The following AGMO variants were observed in gnomAD, a reference collection of about 807,000 sequenced individuals.
AGMO encodes the protein glyceryl-ether monooxygenase.
A neutral mutation model predicts 60.2 loss-of-function variants in AGMO; 75 were observed. That is an observed-to-expected ratio of 1.25 (90% CI 1.03 to 1.51). AGMO has a LOEUF of 1.51. Ranked by LOEUF, AGMO falls within the 40% of genes most tolerant of loss-of-function variation. The pLI is 0.00. For missense variants in AGMO, 763 were observed against 525.5 expected, an observed-to-expected ratio of 1.45 and a Z score of -4.42; for synonymous variants, 261 against 177.1, an observed-to-expected ratio of 1.47 and a Z score of -3.76.
At chr7:15,264,020 T>C (rs1302546306) in intron 12 of AGMO, among the ~76,000 whole-genome samples, 1 of 151,904 alleles carries the variant, frequency 6.6e-6, no homozygotes, top group Non-Finnish European at 1.5e-5. Context: ...AAAGAATTTA[T>C]TCATGTAACC....
chr7:15,377,355 G>A (rs755179268), intron 10 of AGMO, among the ~76,000 whole-genome samples: 4 of 151,766 alleles, frequency 2.6e-5, no homozygotes, highest in South Asian at 2.1e-4. Flanking sequence ...ATTTCTCTTC[G>A]TCAATATATC....
the AGMO span, among the ~76,000 whole-genome samples, chr7:15,130,188 G>C: frequency 1.3e-5 from 2 of 151,804 alleles, no homozygotes; most frequent in Non-Finnish European, 2.9e-5. Context: ...GCTTTGTTTA[G>C]AGTAATGATT....
intron 3 of AGMO, among the ~76,000 whole-genome samples, chr7:15,489,574 C>T (rs1783015498): frequency 6.6e-6 from 1 of 152,120 alleles, no homozygotes; most frequent in African/African-American, 2.4e-5. Flanking sequence ...GTTTTATCAC[C>T]AGAGGCCTTC....
At chr7:15,354,917 T>C (rs998250700) in intron 12 of AGMO, among the ~76,000 whole-genome samples, 1 of 152,034 alleles carries the variant, frequency 6.6e-6, no homozygotes, top group African/African-American at 2.4e-5. Flanking sequence ...TATGTTAATT[T>C]ATAGCATATA....
At chr7:15,132,424 C>T in the AGMO span, among the ~76,000 whole-genome samples, 2 of 152,036 alleles carry the variant, frequency 1.3e-5, no homozygotes, top group African/African-American at 4.8e-5. Context: ...TTGCAAGTTT[C>T]CTTTTAGGTA....
Position 15,201,039 on chromosome 7 carries a change from A to T in AGMO, c.*246T>A, listed in dbSNP as rs1184742228. ...ACTTGTCATATAAGGCTATCAGTTA[A>T]TATAACATCATTATATTTGAAATCT... On this transcript the variant is annotated 3_prime_UTR_variant, in exon 13 of 13. Transcript: ENST00000342526. 2 of 325,716 alleles carry T rather than the reference A, an allele frequency of 6.1e-6. No homozygotes were observed. Among genetic ancestry groups the T allele is most frequent in the Non-Finnish European group, 1.1e-5 (2 of 180,924 alleles). The allele number at this position is 325,716 out of a possible 1,614,324, so 20.2% of individuals were successfully genotyped here.
At chr7:15,398,759 GACAT>G (rs2128488937) in intron 5 of AGMO, among the ~76,000 whole-genome samples, 1 of 152,064 alleles carries the variant, frequency 6.6e-6, no homozygotes, top group East Asian at 1.9e-4. Context: ...CAAATTTTAG[GACAT>G]ACAGAGGGCT....
rs752932552 is a variant in AGMO at position 15,394,192 on chromosome 7, G to A, written c.610-13C>T. Reference sequence around the variant, plus strand: ...GGTTATTGATGACCTGTTTAAAACAGAAGGAATATTTATACATGTAGTTAT... The same window carrying A: ...GGTTATTGATGACCTGTTTAAAACAAAAGGAATATTTATACATGTAGTTAT... On this transcript the variant is annotated splice_polypyrimidine_tract_variant and intron_variant, in intron 5 of 12. Coordinates refer to ENST00000342526, the MANE Select transcript of AGMO (RefSeq NM_001004320.2). 3.8e-6 allele frequency: 6 copies of A among 1,559,928 alleles called. No homozygotes were observed. Among genetic ancestry groups the A allele is most frequent in the East Asian group, 2.2e-5 (1 of 44,524 alleles).
intron 2 of AGMO, among the ~76,000 whole-genome samples, chr7:15,547,576 G>A (rs551601552): frequency 6.6e-6 from 1 of 152,218 alleles, no homozygotes; most frequent in East Asian, 1.9e-4. Context: ...GGAAAATCGG[G>A]TCACTCCCAC....
intron 5 of AGMO, among the ~76,000 whole-genome samples, chr7:15,406,554 T>C (rs1301440614): frequency 1.2e-5 from 1 of 80,454 alleles, no homozygotes; most frequent in Non-Finnish European, 2.5e-5. Context: ...CCCCTTTGTT[T>C]GGAATACACA....
downstream of AGMO, among the ~76,000 whole-genome samples, chr7:15,198,251 G>GAGAGAGAGAC (rs1781183663): frequency 3.6e-4 from 27 of 74,328 alleles, no homozygotes; most frequent in African/African-American, 1.5e-3. Flanking sequence ...GAGAGAGAGA[G>GAGAGAGAGAC]AGAGACAGAG....
chr7:15,430,535 A>T lies in AGMO; in HGVS notation c.513+470T>A, dbSNP rs527890062. On this transcript the variant is annotated intron_variant, in intron 4 of 12. Coordinates refer to ENST00000342526, the MANE Select transcript of AGMO (RefSeq NM_001004320.2). ...TAGAGCCAAAAATTTTTGGATCATG[A>T]TATTGATCTATTATGATAACAAAAA... is the stretch of plus-strand genomic sequence containing the variant. Among the ~76,000 whole-genome samples the T allele has an allele frequency of 6.6e-5, 10 of 151,072 alleles. No homozygotes were observed. The South Asian group carries it at 2.1e-3, about 32-fold the overall frequency.
intron 12 of AGMO, among the ~76,000 whole-genome samples, chr7:15,244,189 G>C (rs1782676137): frequency 7.0e-6 from 1 of 143,548 alleles, no homozygotes; most frequent in Admixed American, 7.3e-5. Flanking sequence ...ATAAATAGAA[G>C]GATACAAAGC....
intron 3 of AGMO, among the ~76,000 whole-genome samples, chr7:15,489,465 C>T (rs1204182088): frequency 2.0e-5 from 3 of 152,136 alleles, no homozygotes; most frequent in African/African-American, 7.2e-5. Context: ...TACAGTACAT[C>T]CTGGACCTTT....
intron 12 of AGMO, among the ~76,000 whole-genome samples, chr7:15,333,452 A>T (rs1485632804): frequency 1.3e-5 from 2 of 152,066 alleles, no homozygotes; most frequent in Non-Finnish European, 2.9e-5. Context: ...TTACCACATT[A>T]ACAAGGGATT....
At chr7:15,194,922 T>A in the AGMO span, among the ~76,000 whole-genome samples, 1 of 152,196 alleles carries the variant, frequency 6.6e-6, no homozygotes, top group African/African-American at 2.4e-5. Context: ...TTAAAATGCA[T>A]GCTGTGTACT....
At chr7:15,219,642 T>C (rs1255653450) in intron 12 of AGMO, among the ~76,000 whole-genome samples, 1 of 152,086 alleles carries the variant, frequency 6.6e-6, no homozygotes, top group Non-Finnish European at 1.5e-5. Flanking sequence ...GATTTACTCT[T>C]CAGCACCCAG....
At chr7:15,170,446 G>T in the AGMO span, among the ~76,000 whole-genome samples, 12 of 152,246 alleles carry the variant, frequency 7.9e-5, no homozygotes, top group African/African-American at 2.9e-4. Context: ...CCACAATCAA[G>T]GAATAACCAA....
At chr7:15,180,794 A>G in the AGMO span, among the ~76,000 whole-genome samples, 1 of 152,182 alleles carries the variant, frequency 6.6e-6, no homozygotes, top group Non-Finnish European at 1.5e-5. Context: ...TTCTGTTGCT[A>G]TCGCAGAATA....
Sources: gnomAD v4.1 joint callset for allele counts (sites outside exome capture counted in the v4.1 genomes callset) on GRCh38, gnomAD v4.1.1 for gene constraint, MANE v1.5 for transcripts, NCBI Gene and HGNC (gene_info 2026-07-23, HGNC 2026-07-21) for gene names.